Variants in ASIC1 observed in about 807,000 individuals in gnomAD.
The protein encoded by ASIC1 is acid-sensing ion channel 1.
A neutral mutation model predicts 63.4 loss-of-function variants in ASIC1; 21 were observed. The ratio of observed to expected loss-of-function variants is 0.33; its 90% CI spans 0.23 to 0.48. The LOEUF is 0.48. Among genes scored for constraint, ASIC1 ranks in the 20% least tolerant of loss-of-function variants. The pLI, the probability that ASIC1 is intolerant of heterozygous loss-of-function variation, is 0.99. For synonymous variants in ASIC1, 258 were observed against 278.2 expected (o/e 0.93, Z 0.72); for missense variants, 478 against 695.5 (o/e 0.69, Z 3.52).
Position 50,059,803 on chromosome 12 carries a change from A to G in ASIC1, c.407A>G (p.Glu136Gly), listed in dbSNP as rs767548666. The G allele has an allele frequency of 6.2e-7, 1 of 1,614,100 alleles. No homozygotes were observed. The highest frequency in any genetic ancestry group is 2.2e-5 in the East Asian group (1 of 44,882). Residue 136 changes from glutamate to glycine, a missense_variant, in exon 3 of 12, where the codon GAG becomes GGG. Around this residue, in one of 3 missense-constraint regions of ASIC1, gnomAD observed 290 missense variants for 414.9 expected, o/e 0.70. Coordinates refer to ENST00000447966, the MANE Select transcript of ASIC1 (RefSeq NM_001095.4). The surrounding 1 kb of genome is among the most constrained non-coding windows in gnomAD (Gnocchi z 4.6). ...DTQMADEKQLEILQDKANFRS... is the reference protein window; with the variant it reads ...DTQMADEKQLGILQDKANFRS... Reference sequence around the variant, plus strand: ...CAGATGGCAGATGAAAAGCAGCTGGAGATACTGCAGGACAAAGCCAACTTC... The same window carrying G: ...CAGATGGCAGATGAAAAGCAGCTGGGGATACTGCAGGACAAAGCCAACTTC...
intron 3 of ASIC1, among the ~76,000 whole-genome samples, chr12:50,066,014 G>A (rs1485393040): frequency 6.6e-6 from 1 of 152,212 alleles, no homozygotes; most frequent in Non-Finnish European, 1.5e-5. Context: ...TGAATGTAGA[G>A]TGTGAAGTGG....
chr12:50,075,170 C>G (rs1950642178), intron 3 of ASIC1, among the ~76,000 whole-genome samples: 1 of 152,112 alleles, frequency 6.6e-6, no homozygotes, highest in South Asian at 2.1e-4. Context: ...CACACCCATC[C>G]CTCAGTCCTC....
chr12:50,059,655 C>T lies in ASIC1; in HGVS notation c.363-104C>T. 8.2e-7 allele frequency: 1 copy of T among 1,220,736 alleles called. No individual in the cohort carries two copies. The highest frequency in any genetic ancestry group is 2.0e-4 in the Middle Eastern group (1 of 5,092). The allele number at this position is 1,220,736 out of a possible 1,614,324, so 75.6% of individuals were successfully genotyped here. On this transcript the variant is annotated intron_variant, in intron 2 of 11. Transcript: ENST00000447966. This position sits in a 1 kb window ranked among gnomAD's most constrained non-coding sequence, Gnocchi z 4.6. ...GCCCAGCTCTCCTTCCTTGCCTACA[C>T]CTGGGACTGATCCCCAGGGCTGGAG...
chr12:50,080,143 G>A, intron 8 of ASIC1, 88 bp downstream of exon 8: 1 of 1,501,994 alleles, frequency 6.7e-7, no homozygotes, highest in Non-Finnish European at 8.9e-7. Context: ...GGGCTGGCAG[G>A]CAGGGGGAAC....
rs756212159 is a variant in ASIC1, at chr12:50,078,167, TGAG to T, written c.837+42_837+44del. 6.3e-7 allele frequency: 1 copy of T among 1,595,504 alleles called. No homozygotes were observed. Among genetic ancestry groups the T allele is most frequent in the East Asian group, 2.2e-5 (1 of 44,786 alleles). On this transcript the variant is annotated intron_variant, in intron 5 of 11. Transcript: ENST00000447966. This position sits in a 1 kb window ranked among gnomAD's most constrained non-coding sequence, Gnocchi z 6.0. ...GGAGGCTGGTCCTGGGGTGGGGTAT[TGAG>T]GGGTCCAGATGGAGTGGTGGGCAAT...
At chr12:50,062,432 C>T (rs1248013272) in intron 3 of ASIC1, among the ~76,000 whole-genome samples, 1 of 152,196 alleles carries the variant, frequency 6.6e-6, no homozygotes, top group Admixed American at 6.5e-5. Flanking sequence ...GCATCTTCTG[C>T]AGCCTTCAGA....
rs1309050574 is a variant in ASIC1, at chr12:50,074,116, C to G, written c.559-3097C>G. 2.0e-6 allele frequency: 3 copies of G among 1,535,752 alleles called. No individual in the cohort carries two copies. The highest frequency in any genetic ancestry group is 1.7e-4 in the Middle Eastern group (1 of 5,984). On this transcript the variant is annotated intron_variant, in intron 3 of 11. Coordinates refer to ENST00000447966, the MANE Select transcript of ASIC1 (RefSeq NM_001095.4). This position sits in a 1 kb window ranked among gnomAD's most constrained non-coding sequence, Gnocchi z 4.2. ...CGGGGTGCCCCTCGCTCCACCGGGC[C>G]CTGAGGCCTTCTCTGGGGAGCCCTT...
rs1333647985 is a variant in ASIC1, at chr12:50,083,350, A to T, written c.*1701A>T. 1.3e-5 allele frequency: 2 copies of T among 151,864 alleles called. No homozygotes were observed. Among genetic ancestry groups the T allele is most frequent in the African/African-American group, 4.8e-5 (2 of 41,266 alleles). 9.4% of individuals were successfully genotyped at this position (151,864 alleles called of 1,614,324 possible). A position where few individuals can be genotyped will look rare whatever the true frequency, so the allele number is the denominator to read the frequency against. ...ACACTCCTTCCAGGCCTGAGCCCCA[A>T]CCCCTCTTCAGGCCTTCCTTCCCTA... On this transcript the variant is annotated 3_prime_UTR_variant, in exon 12 of 12. Coordinates refer to ENST00000447966, the MANE Select transcript of ASIC1 (RefSeq NM_001095.4).
Position 50,078,043 on chromosome 12 carries a change from T to A in ASIC1, c.753T>A (p.Ser251Arg), listed in dbSNP as rs766392522. 5 of 1,614,002 alleles carry A rather than the reference T, an allele frequency of 3.1e-6. No homozygotes were observed. In the South Asian group the frequency reaches 4.4e-5, roughly 14 times the overall value. The change falls in exon 5 of 12, where the codon AGT (serine) becomes AGA (arginine). Residue 251 changes from serine to arginine, a missense_variant. By Grantham distance (110) the Ser-to-Arg change is moderately radical. Transcript: ENST00000447966. This position sits in a 1 kb window ranked among gnomAD's most constrained non-coding sequence, Gnocchi z 6.0. ...FEAGIKVQIH[S>R]QDEPPFIDQL... is the part of the protein sequence containing the mutation. ...CAGGCATCAAAGTGCAGATCCATAG[T>A]CAGGATGAACCTCCTTTCATCGACC...
chr12:50,065,216 G>C (rs781271144), intron 3 of ASIC1, among the ~76,000 whole-genome samples: 2 of 152,310 alleles, frequency 1.3e-5, no homozygotes, highest in Admixed American at 1.3e-4. Flanking sequence ...TATGTTTGGG[G>C]TGGCCAATGC....
At chr12:50,072,941 G>A (rs1354582016) in intron 3 of ASIC1, among the ~76,000 whole-genome samples, 1 of 152,198 alleles carries the variant, frequency 6.6e-6, no homozygotes, top group Non-Finnish European at 1.5e-5. Context: ...ACTGGAATTG[G>A]AGGTCTGAGA....
Position 50,073,729 on chromosome 12 carries a change from G to A in ASIC1, c.559-3484G>A, listed in dbSNP as rs1225937571. On this transcript the variant is annotated intron_variant, in intron 3 of 11. Coordinates refer to ENST00000447966, the MANE Select transcript of ASIC1 (RefSeq NM_001095.4). ...AGAGGAGGAAGAAGAGAAGGAAAAG[G>A]AGGCAGTGAGGAAGGAGGCCAGTGA... 5.9e-6 allele frequency: 9 copies of A among 1,536,450 alleles called. No homozygotes were observed. The African/African-American group carries it at 8.2e-5, about 14-fold the overall frequency.
intron 3 of ASIC1, among the ~76,000 whole-genome samples, chr12:50,069,261 TTTATTTA>T (rs1950575638): frequency 3.5e-5 from 2 of 57,100 alleles, no homozygotes; most frequent in South Asian, 7.9e-4. Context: ...TTTTATTTTA[TTTATTTA>T]TTTATTTATT....
Position 50,074,393 on chromosome 12 carries a change from C to A in ASIC1, c.559-2820C>A. ...CTCATCTGGCTGACACAGGCCAGAG[C>A]TCACCCAGGAGTCCGGGGCCTGGAG... On this transcript the variant is annotated intron_variant, in intron 3 of 11. Transcript: ENST00000447966. The surrounding 1 kb of genome is among the most constrained non-coding windows in gnomAD (Gnocchi z 4.2). 7.5e-7 allele frequency: 1 copy of A among 1,335,902 alleles called. No homozygotes were observed. Among genetic ancestry groups the A allele is most frequent in the South Asian group, 2.0e-5 (1 of 50,690 alleles). 82.8% of individuals were successfully genotyped at this position (1,335,902 alleles called of 1,614,324 possible).
intron 3 of ASIC1, among the ~76,000 whole-genome samples, chr12:50,072,807 G>C (rs1950612817): frequency 6.6e-6 from 1 of 152,148 alleles, no homozygotes. Flanking sequence ...AGCCACAGGA[G>C]GGGTAGGGGA....
At chr12:50,072,640 G>A (rs891878841) in intron 3 of ASIC1, among the ~76,000 whole-genome samples, 4 of 152,214 alleles carry the variant, frequency 2.6e-5, no homozygotes, top group Middle Eastern at 3.4e-3. Flanking sequence ...TAAACTGTTC[G>A]GGGGGCGGGG....
intron 3 of ASIC1, among the ~76,000 whole-genome samples, chr12:50,075,505 G>A (rs1950646691): frequency 6.6e-6 from 1 of 152,220 alleles, no homozygotes; most frequent in Non-Finnish European, 1.5e-5. Context: ...CTGTGGCTGG[G>A]TGCCGCAAGA....
chr12:50,063,948 G>A (rs939926377), intron 3 of ASIC1, among the ~76,000 whole-genome samples: 1 of 152,108 alleles, frequency 6.6e-6, no homozygotes, highest in Non-Finnish European at 1.5e-5. Context: ...CTTACTACTG[G>A]GGTCTGCACC....
rs781423256 is a variant in ASIC1 at position 50,059,950 on chromosome 12, A to G, written c.554A>G (p.Lys185Arg). Reference protein sequence around the residue: ...RGEVCSAEDFKVVFTRYGKCY... With the variant: ...RGEVCSAEDFRVVFTRYGKCY... Reference sequence around the variant, plus strand: ...GAGGTCTGCAGCGCTGAAGACTTCAAGGTGGTGAGTCCCCTCGTGTGGGGT... The same window carrying G: ...GAGGTCTGCAGCGCTGAAGACTTCAGGGTGGTGAGTCCCCTCGTGTGGGGT... Residue 185 changes from lysine (K) to arginine (R), a missense_variant, in exon 3 of 12, where the codon AAG becomes AGG. Around this residue, in one of 3 missense-constraint regions of ASIC1, gnomAD observed 290 missense variants for 414.9 expected, o/e 0.70. Coordinates refer to ENST00000447966, the MANE Select transcript of ASIC1 (RefSeq NM_001095.4). This position sits in a 1 kb window ranked among gnomAD's most constrained non-coding sequence, Gnocchi z 4.6. 6.2e-7 allele frequency: 1 copy of G among 1,613,700 alleles called. No homozygotes were observed. The highest frequency in any genetic ancestry group is 8.5e-7 in the Non-Finnish European group (1 of 1,179,886).
Sources: allele counts gnomAD v4.1 joint callset (sites outside exome capture counted in the v4.1 genomes callset), GRCh38; gene constraint gnomAD v4.1.1; regional missense constraint gnomAD v4.1.1; non-coding constraint Gnocchi (gnomAD v3.1); transcripts MANE v1.5; gene names NCBI Gene and HGNC (gene_info 2026-07-23, HGNC 2026-07-21).